ATP8B1: variants seen among roughly 807,000 people sequenced by gnomAD.
The protein encoded by ATP8B1 is phospholipid-transporting ATPase IC.
ATP8B1 carries 80 observed loss-of-function variants against 149.9 expected under a neutral mutation model. The observed-to-expected ratio is 0.53, with a 90% CI of 0.45 to 0.64. The LOEUF (loss-of-function observed/expected upper bound fraction) is 0.64. Among genes scored for constraint, ATP8B1 ranks in the 30% least tolerant of loss-of-function variants. The pLI is 0.00. For synonymous variants in ATP8B1, 536 were observed against 562.8 expected, an observed-to-expected ratio of 0.95 and a Z score of 0.67; for missense variants, 1,247 against 1,552.6, an observed-to-expected ratio of 0.80 and a Z score of 3.31.
chr18:57,682,975 G>A (rs763705554), intron 15 of ATP8B1, among the ~76,000 whole-genome samples: 1 of 151,992 alleles, frequency 6.6e-6, no homozygotes, highest in Non-Finnish European at 1.5e-5. Context: ...CTACAGGCAT[G>A]TCCCATCACA....
At chr18:57,695,580 C>T (rs779788555) in intron 8 of ATP8B1, 48 bp from the exon 9 acceptor site, 2 of 1,447,806 alleles carry the variant, frequency 1.4e-6, no homozygotes, top group Non-Finnish European at 1.9e-6. Flanking sequence ...TTTTTGAGTT[C>T]AAAGTGGAAG....
At chr18:57,762,938 C>T (rs2080171014) in intron 1 of ATP8B1, among the ~76,000 whole-genome samples, 1 of 152,158 alleles carries the variant, frequency 6.6e-6, no homozygotes, top group Non-Finnish European at 1.5e-5. Context: ...GAGATTACTT[C>T]TCTTGATCCA....
intron 1 of ATP8B1, among the ~76,000 whole-genome samples, chr18:57,798,610 A>G (rs774806961): frequency 3.3e-5 from 5 of 152,050 alleles, no homozygotes; most frequent in Admixed American, 6.5e-5. Flanking sequence ...AAATAAATAA[A>G]TAAAGTTAAA....
At chr18:57,695,084 T>A in intron 10 of ATP8B1, 87 bp downstream of exon 10, 1 of 1,386,616 alleles carries the variant, frequency 7.2e-7, no homozygotes, top group Non-Finnish European at 1.0e-6. Flanking sequence ...CTTCTTTTGG[T>A]TTTGATGGAC....
intron 2 of ATP8B1, among the ~76,000 whole-genome samples, chr18:57,709,432 A>G (rs1466855897): frequency 2.0e-5 from 3 of 152,224 alleles, no homozygotes; most frequent in Admixed American, 6.5e-5. Context: ...AATTAATATA[A>G]TCATAGGCAC....
Position 57,669,389 on chromosome 18 carries a change from C to T in ATP8B1, c.2026G>A (p.Ala676Thr), listed in dbSNP as rs1911092413. The T allele has an allele frequency of 5.0e-6, 8 of 1,613,968 alleles. No individual in the cohort carries two copies. The highest frequency in any genetic ancestry group is 2.5e-6 in the Non-Finnish European group (3 of 1,179,918). The change falls in exon 18 of 28, where the codon GCC (alanine) becomes ACC (threonine). Residue 676 changes from alanine to threonine, a missense_variant. Ala to Thr is a moderately conservative substitution (Grantham distance 58, BLOSUM62 0). Around this residue, in one of 3 missense-constraint regions of ATP8B1, gnomAD observed 853 missense variants for 1,035.7 expected, o/e 0.82. Coordinates refer to ENST00000648908, the MANE Select transcript of ATP8B1 (RefSeq NM_001374385.1). The stretch of plus-strand genomic sequence containing the variant: ...TCCCGGTTGGTGGAGGCCACACTGG[C>T]AGCCATAAACTTTTTATTCCATTCT... ...FTEWNKKFMA[A>T]SVASTNRDEA...
rs114603690 is a variant in ATP8B1 at position 57,737,329 on chromosome 18, G to A, written c.-25-5497C>T. Among the ~76,000 whole-genome samples, 730 of 151,922 alleles carry A rather than the reference G, an allele frequency of 4.8e-3. 11 individuals carry two copies. The highest frequency in any genetic ancestry group is 0.016 in the African/African-American group (662 of 41,394). ...AATTTTAACTTTTTGTTTGTTGGTT[G>A]GTTTTCTTTCTCTTATTATTGTTAT... On this transcript the variant is annotated intron_variant, in intron 1 of 27. Transcript: ENST00000648908.
At chr18:57,682,672 G>A (rs748204044) in intron 15 of ATP8B1, among the ~76,000 whole-genome samples, 8 of 151,940 alleles carry the variant, frequency 5.3e-5, no homozygotes, top group South Asian at 2.1e-4. Flanking sequence ...ACCTGGTATC[G>A]CCCCTTTCTA....
At chr18:57,797,163 C>G (rs2080522958) in intron 1 of ATP8B1, among the ~76,000 whole-genome samples, 1 of 152,144 alleles carries the variant, frequency 6.6e-6, no homozygotes, top group East Asian at 1.9e-4. Flanking sequence ...GTATTTGGTG[C>G]CTGAGGGTTT....
chr18:57,764,145 C>G (rs1182595854), intron 1 of ATP8B1, among the ~76,000 whole-genome samples: 1 of 152,190 alleles, frequency 6.6e-6, no homozygotes, highest in Non-Finnish European at 1.5e-5. Flanking sequence ...AATCACCTTC[C>G]CCACGATCCA....
At chr18:57,764,715 A>G (rs1479171529) in intron 1 of ATP8B1, among the ~76,000 whole-genome samples, 2 of 145,894 alleles carry the variant, frequency 1.4e-5, no homozygotes, top group Non-Finnish European at 3.0e-5. Flanking sequence ...CACTGTGCCC[A>G]GCCTGACACT....
At chr18:57,673,828 G>A (rs1438360397) in intron 16 of ATP8B1, among the ~76,000 whole-genome samples, 1 of 152,094 alleles carries the variant, frequency 6.6e-6, no homozygotes, top group African/African-American at 2.4e-5. Flanking sequence ...GCAGTTCAGT[G>A]GTAGGAAGTG....
At chr18:57,684,724 G>A (rs1912147268) in intron 14 of ATP8B1, among the ~76,000 whole-genome samples, 1 of 152,290 alleles carries the variant, frequency 6.6e-6, no homozygotes, top group South Asian at 2.1e-4. Flanking sequence ...TGGTACCTAT[G>A]AATGTGACCT....
chr18:57,689,505 A>G (rs955545924), intron 12 of ATP8B1, among the ~76,000 whole-genome samples: 7 of 152,216 alleles, frequency 4.6e-5, no homozygotes, highest in Non-Finnish European at 8.8e-5. Flanking sequence ...GAAGTCCTTA[A>G]CAAGTTAAAC....
rs761941617 is a variant in ATP8B1, at chr18:57,662,522, G to A, written c.2379C>T (p.Pro793=). ...TGATGATTAAGGCACGGTTTCCACC[G>A]GGTGGAAAAAAAGATTCCTGCACAG... ...APPVQESFFP[P]GGNRALIITG... is the part of the protein sequence containing the mutation. Residue 793 remains proline (P), a synonymous_variant, in exon 21 of 28, where the codon CCC becomes CCT. Coordinates refer to ENST00000648908, the MANE Select transcript of ATP8B1 (RefSeq NM_001374385.1). The A allele has an allele frequency of 1.8e-5, 29 of 1,613,870 alleles. No individual in the cohort carries two copies. The highest frequency in any genetic ancestry group is 8.3e-5 in the Admixed American group (5 of 59,980).
intron 1 of ATP8B1, among the ~76,000 whole-genome samples, chr18:57,746,298 T>C (rs1000230329): frequency 2.0e-5 from 3 of 152,126 alleles, no homozygotes; most frequent in African/African-American, 7.2e-5. Context: ...GAAGGGCTTA[T>C]CCTCATTTTG....
At chr18:57,798,225 G>A (rs1473631523) in intron 1 of ATP8B1, among the ~76,000 whole-genome samples, 3 of 152,196 alleles carry the variant, frequency 2.0e-5, no homozygotes, top group African/African-American at 7.2e-5. Flanking sequence ...ACAGGGTTCA[G>A]AAACTGTTGA....
At chr18:57,650,945 A>T (rs1463251222) in intron 26 of ATP8B1, among the ~76,000 whole-genome samples, 1 of 152,254 alleles carries the variant, frequency 6.6e-6, no homozygotes, top group East Asian at 1.9e-4. Context: ...CAAAATATCC[A>T]TTATGGCTCA....
At position 57,669,121 on chromosome 18, in the gene ATP8B1, T is replaced by G. The variant is rs1012899050; in HGVS notation, c.2097+197A>C. The G allele has an allele frequency of 1.1e-5, 5 of 456,396 alleles. No homozygotes were observed. The Admixed American group carries it at 2.0e-4, about 18-fold the overall frequency. 28.3% of individuals were successfully genotyped at this position (456,396 alleles called of 1,614,324 possible). Reference sequence around the variant, plus strand: ...ACTTCTCCTAATGTATTTTGTCTTTTGGTTTCTCATAATGGCAACTTCTGT... The same window carrying G: ...ACTTCTCCTAATGTATTTTGTCTTTGGGTTTCTCATAATGGCAACTTCTGT... On this transcript the variant is annotated intron_variant, in intron 18 of 27. Transcript: ENST00000648908.
Sources: allele counts gnomAD v4.1 joint callset (sites outside exome capture counted in the v4.1 genomes callset), GRCh38; gene constraint gnomAD v4.1.1; regional missense constraint gnomAD v4.1.1; transcripts MANE v1.5; gene names NCBI Gene and HGNC (gene_info 2026-07-23, HGNC 2026-07-21).